MTA1: variants seen among roughly 807,000 people sequenced by gnomAD.
MTA1 encodes metastasis-associated protein MTA1.
A neutral mutation model predicts 97.0 loss-of-function variants in MTA1; 15 were observed. The observed-to-expected ratio is 0.15, with a 90% confidence interval of 0.10 to 0.24. The LOEUF (loss-of-function observed/expected upper bound fraction) is 0.24. Ranked by LOEUF, MTA1 falls within the 10% of genes least tolerant of loss-of-function variation. The pLI, the probability that MTA1 is intolerant of heterozygous loss-of-function variation, is 1.00. For synonymous variants in MTA1, 435 were observed against 417.5 expected (o/e 1.04, Z -0.51); for missense variants, 709 against 1,015.1 (o/e 0.70, Z 4.10).
At chr14:105,435,289 TTTAAG>T (rs111951023) in intron 1 of MTA1, among the ~76,000 whole-genome samples, 2,717 of 152,208 alleles carry the variant, frequency 0.018, 79 homozygotes, top group African/African-American at 0.061. Flanking sequence ...TTTTTAAAAA[TTTAAG>T]TTATATTTAG....
chr14:105,447,813 G>C (rs1325067345), intron 3 of MTA1, among the ~76,000 whole-genome samples: 1 of 152,210 alleles, frequency 6.6e-6, no homozygotes, highest in Non-Finnish European at 1.5e-5. Context: ...TGATTCTGCA[G>C]GGCCCACACC....
At chr14:105,467,039 C>T (rs1448612054) in intron 18 of MTA1, 8 of 532,038 alleles carry the variant, frequency 1.5e-5, no homozygotes, top group Non-Finnish European at 2.7e-5. Flanking sequence ...GCTGTGACTG[C>T]CCGCATGCTG....
At chr14:105,432,073 G>T (rs1247582451) in intron 1 of MTA1, among the ~76,000 whole-genome samples, 1 of 152,072 alleles carries the variant, frequency 6.6e-6, no homozygotes, top group Admixed American at 6.6e-5. Context: ...TATTGCCCAG[G>T]CTAGAGAGCA....
chr14:105,421,837 C>T (rs1170543070), intron 1 of MTA1, among the ~76,000 whole-genome samples: 3 of 152,218 alleles, frequency 2.0e-5, no homozygotes, highest in East Asian at 3.9e-4. Flanking sequence ...GGGGCTGCGC[C>T]GCCCTCCCCG....
chr14:105,438,594 A>T, intron 1 of MTA1, 78 bp from the exon 2 acceptor site: 1 of 1,314,842 alleles, frequency 7.6e-7, no homozygotes. Flanking sequence ...CTGAGCCCCG[A>T]GTCCCTGGGC....
chr14:105,465,047 G>T, intron 15 of MTA1, 47 bp from the exon 16 acceptor site: 1 of 1,468,388 alleles, frequency 6.8e-7, no homozygotes. Flanking sequence ...AGGGTCCCGT[G>T]CTCCCCTGGG....
At chr14:105,455,103 G>A (rs1406372209) in intron 7 of MTA1, among the ~76,000 whole-genome samples, 5 of 151,942 alleles carry the variant, frequency 3.3e-5, no homozygotes, top group African/African-American at 9.7e-5. Flanking sequence ...ACAGGGTTTC[G>A]CCATGTTGCC....
Position 105,424,250 on chromosome 14 carries a change from A to G in MTA1, c.28+4187A>G, listed in dbSNP as rs1361046582. Among the ~76,000 whole-genome samples the G allele has an allele frequency of 3.9e-5, 6 of 152,228 alleles. No homozygotes were observed. The highest frequency in any genetic ancestry group is 1.2e-4 in the African/African-American group (5 of 41,466). On this transcript the variant is annotated intron_variant, in intron 1 of 20. Transcript: ENST00000331320. The surrounding 1 kb of genome is among the most constrained non-coding windows in gnomAD (Gnocchi z 4.0). ...CGCTCTGTCCCCCAGGCTGGAGTGC[A>G]GTAGCGCAATCTGGGCTCACTGCAA... is the stretch of plus-strand genomic sequence containing the variant.
chr14:105,449,367 G>C lies in MTA1; in HGVS notation c.199G>C (p.Val67Leu). 1.9e-6 allele frequency: 3 copies of C among 1,612,500 alleles called. No homozygotes were observed. Among genetic ancestry groups the C allele is most frequent in the Non-Finnish European group, 2.5e-6 (3 of 1,179,318 alleles). ...GTCTGTCTGTTATATAGCCCTGTCA[G>C]TCTGCTATAAGGCCGGACCGGGGGC... is the stretch of plus-strand genomic sequence containing the variant. ...ALADKHATLS[V>L]CYKAGPGADN... The change falls in exon 4 of 21, where the codon GTC (valine) becomes CTC (leucine). Residue 67 changes from valine (V) to leucine (L), a missense_variant. By Grantham distance (32) the Val-to-Leu change is conservative (BLOSUM62 1). Transcript: ENST00000331320.
Position 105,466,585 on chromosome 14 carries a change from G to C in MTA1, c.1777+7G>C. The C allele has an allele frequency of 6.4e-7, 1 of 1,569,548 alleles. No homozygotes were observed. Among genetic ancestry groups the C allele is most frequent in the Non-Finnish European group, 8.6e-7 (1 of 1,157,236 alleles). On this transcript the variant is annotated splice_region_variant and intron_variant, in intron 17 of 20. Transcript: ENST00000331320. ...CAGCACAACGGGGTGGACGGTGAGT[G>C]GCCCCCCCGCCCGGTGAGTGTGGCC... is the stretch of plus-strand genomic sequence containing the variant.
Position 105,438,772 on chromosome 14 carries a change from G to T in MTA1, c.96+33G>T, listed in dbSNP as rs200727584. 2.7e-5 allele frequency: 43 copies of T among 1,605,746 alleles called. 1 individual carries two copies. In the African/African-American group the frequency reaches 5.2e-4, roughly 19 times the overall value. On this transcript the variant is annotated intron_variant, in intron 2 of 20. Coordinates refer to ENST00000331320, the MANE Select transcript of MTA1 (RefSeq NM_004689.4). ...GGGGCCCTGGTGTTGCTGCAGGGGG[G>T]TAGTGGGTGGGGGCTACGCCAGCTC... is the stretch of plus-strand genomic sequence containing the variant.
intron 3 of MTA1, among the ~76,000 whole-genome samples, chr14:105,448,282 T>A (rs1208993152): frequency 6.6e-6 from 1 of 152,064 alleles, no homozygotes; most frequent in East Asian, 1.9e-4. Flanking sequence ...ACCTCCTGCC[T>A]GGGTGTTTCT....
intron 3 of MTA1, 92 bp downstream of exon 3, chr14:105,445,603 C>T: frequency 7.4e-7 from 1 of 1,356,386 alleles, no homozygotes. Context: ...CCATCGGCAT[C>T]CTGGCCTCGT....
intron 10 of MTA1, among the ~76,000 whole-genome samples, chr14:105,462,142 G>GCGGCTGCGGGGCCCTA (rs2083380325): frequency 5.3e-5 from 8 of 152,276 alleles, no homozygotes; most frequent in Non-Finnish European, 1.2e-4. Context: ...GCGGGGCCCT[G>GCGGCTGCGGGGCCCTA]TCCAGGTGCG....
At chr14:105,446,906 G>A (rs1555427311) in intron 3 of MTA1, among the ~76,000 whole-genome samples, 1 of 152,220 alleles carries the variant, frequency 6.6e-6, no homozygotes, top group Admixed American at 6.5e-5. Context: ...TCTGCTCAGA[G>A]GAGGGGAGCG....
At position 105,463,948 on chromosome 14, in the gene MTA1, G is replaced by A. The variant is rs2083460093; in HGVS notation, c.1077-84G>A. On this transcript the variant is annotated intron_variant, in intron 12 of 20. Transcript: ENST00000331320. The surrounding 1 kb of genome is among the most constrained non-coding windows in gnomAD (Gnocchi z 5.9). ...AGGACGTGGTTCTGGACAAGGGGTG[G>A]TCAGCCGCGGTGCCTGCTGGGCACA... 2 of 1,339,342 alleles carry A rather than the reference G, an allele frequency of 1.5e-6. No homozygotes were observed. Among genetic ancestry groups the A allele is most frequent in the Non-Finnish European group, 1.1e-6 (1 of 934,794 alleles). The allele number at this position is 1,339,342 out of a possible 1,614,324, so 83.0% of individuals were successfully genotyped here. A position where few individuals can be genotyped will look rare whatever the true frequency, so the allele number is the denominator to read the frequency against.
chr14:105,456,203 G>T (rs587681158), intron 7 of MTA1, among the ~76,000 whole-genome samples: 4 of 152,392 alleles, frequency 2.6e-5, no homozygotes, highest in South Asian at 4.1e-4. Flanking sequence ...AGGTGGAAAG[G>T]CAGAGTCCGT....
At position 105,447,111 on chromosome 14, in the gene MTA1, G is replaced by A. The variant is rs148366111; in HGVS notation, c.190+1600G>A. On this transcript the variant is annotated intron_variant, in intron 3 of 20. Coordinates refer to ENST00000331320, the MANE Select transcript of MTA1 (RefSeq NM_004689.4). Reference sequence around the variant, plus strand: ...GGTGCCAGTCAGCAGCACGGCTGGCGGTTCTTAGTGTTGGAGGCTGGCCTA... The same window carrying A: ...GGTGCCAGTCAGCAGCACGGCTGGCAGTTCTTAGTGTTGGAGGCTGGCCTA... 8.1e-4 allele frequency among the ~76,000 whole-genome samples: 123 copies of A among 152,348 alleles called. 4 individuals are homozygous for A. In the East Asian group the frequency reaches 0.013, roughly 16 times the overall value.
Position 105,464,576 on chromosome 14 carries a change from G to C in MTA1, c.1344+9G>C, listed in dbSNP as rs781965269. 1.9e-6 allele frequency: 3 copies of C among 1,612,520 alleles called. No individual in the cohort carries two copies. The highest frequency in any genetic ancestry group is 1.7e-5 in the Admixed American group (1 of 59,998). On this transcript the variant is annotated intron_variant, in intron 14 of 20. Coordinates refer to ENST00000331320, the MANE Select transcript of MTA1 (RefSeq NM_004689.4). ...CAAACCGCAGTAACATGGTAAGGGG[G>C]GGGACACCCGCCCTGCCTGCCATGA...
Sources: allele counts gnomAD v4.1 joint callset (sites outside exome capture counted in the v4.1 genomes callset), GRCh38; gene constraint gnomAD v4.1.1; non-coding constraint Gnocchi (gnomAD v3.1); transcripts MANE v1.5; gene names NCBI Gene and HGNC (gene_info 2026-07-23, HGNC 2026-07-21).